PRDM16: variants seen among roughly 807,000 people sequenced by gnomAD.
PRDM16 encodes PR/SET domain 16.
PRDM16 carries 23 observed loss-of-function variants against 110.6 expected under a neutral mutation model. The ratio of observed to expected loss-of-function variants is 0.21; its 90% CI spans 0.15 to 0.29. The LOEUF is 0.29. PRDM16 is among the 10% of genes least tolerant of loss of function. PRDM16 has a pLI of 1.00. For synonymous variants in PRDM16, 799 were observed against 781.8 expected (o/e 1.02, Z -0.37); for missense variants, 1,615 against 1,794.3 (o/e 0.90, Z 1.81).
chr1:3,288,446 G>A (rs1224700834), intron 3 of PRDM16, among the ~76,000 whole-genome samples: 2 of 152,190 alleles, frequency 1.3e-5, no homozygotes, highest in Non-Finnish European at 2.9e-5. Context: ...CTCACCTTGA[G>A]GGCTCCAGCC....
At chr1:3,396,943 A>C (rs1323317833) in intron 5 of PRDM16, among the ~76,000 whole-genome samples, 1 of 152,144 alleles carries the variant, frequency 6.6e-6, no homozygotes, top group Non-Finnish European at 1.5e-5. Context: ...GCTATGTTTT[A>C]TTATTGCTAT....
intron 1 of PRDM16, among the ~76,000 whole-genome samples, chr1:3,114,203 GCACACA>G (rs59196246): frequency 4.3e-5 from 5 of 117,600 alleles, no homozygotes; most frequent in Admixed American, 1.7e-4. Flanking sequence ...GCACACGCAC[GCACACA>G]CGCACACGAA....
intron 1 of PRDM16, among the ~76,000 whole-genome samples, chr1:3,151,290 A>C (rs1399714701): frequency 6.6e-6 from 1 of 152,186 alleles, no homozygotes; most frequent in African/African-American, 2.4e-5. Flanking sequence ...GTCCAGACAG[A>C]AGTGGGGACG....
intron 3 of PRDM16, among the ~76,000 whole-genome samples, chr1:3,282,058 C>T (rs1640720856): frequency 6.6e-6 from 1 of 152,226 alleles, no homozygotes; most frequent in African/African-American, 2.4e-5. Context: ...GAACTGAGAA[C>T]CCCAGGTCCA....
At chr1:3,303,160 G>C (rs911946740) in intron 3 of PRDM16, among the ~76,000 whole-genome samples, 1 of 152,028 alleles carries the variant, frequency 6.6e-6, no homozygotes, top group Admixed American at 6.6e-5. Flanking sequence ...CCACACCACT[G>C]TCTAATCTTA....
At chr1:3,115,700 G>A (rs983253435) in intron 1 of PRDM16, among the ~76,000 whole-genome samples, 6 of 152,198 alleles carry the variant, frequency 3.9e-5, no homozygotes, top group Non-Finnish European at 8.8e-5. Context: ...CCGCTGGCCT[G>A]GGCGTCTAGC....
At chr1:3,419,595 A>G (rs1167113098) in intron 12 of PRDM16, among the ~76,000 whole-genome samples, 14 of 152,220 alleles carry the variant, frequency 9.2e-5, no homozygotes, top group Non-Finnish European at 1.6e-4. Flanking sequence ...TGACACATGC[A>G]GGGTGTGTCT....
chr1:3,146,607 A>AGT (rs1173823360), intron 1 of PRDM16, among the ~76,000 whole-genome samples: 5 of 88,484 alleles, frequency 5.7e-5, no homozygotes, highest in African/African-American at 2.4e-4. Context: ...GTGTGTGCTC[A>AGT]GTGTGGGGGG....
rs1310233563 is a variant in PRDM16, at chr1:3,209,246, G to A, written c.387+22772G>A. Among the ~76,000 whole-genome samples the A allele has an allele frequency of 6.6e-6, 1 of 152,220 alleles. No homozygotes were observed. Reference sequence around the variant, plus strand: ...AGTGGAAAAGCAACAAGAAGAGAAGGACAGGAAATAAATCTCAGAGTGGGA... The same window carrying A: ...AGTGGAAAAGCAACAAGAAGAGAAGAACAGGAAATAAATCTCAGAGTGGGA... On this transcript the variant is annotated intron_variant, in intron 2 of 16. Transcript: ENST00000270722. The surrounding 1 kb of genome is among the most constrained non-coding windows in gnomAD (Gnocchi z 4.6).
At chr1:3,342,135 C>T (rs562450982) in intron 3 of PRDM16, among the ~76,000 whole-genome samples, 12 of 152,248 alleles carry the variant, frequency 7.9e-5, no homozygotes, top group East Asian at 7.7e-4. Context: ...AGCCTCGTGC[C>T]GGCGTGGCTC....
chr1:3,220,920 C>T (rs887991129), intron 2 of PRDM16, among the ~76,000 whole-genome samples: 25 of 152,338 alleles, frequency 1.6e-4, no homozygotes, highest in Non-Finnish European at 3.7e-4. Flanking sequence ...AGTGGCAGAG[C>T]CAGCCTCTTC....
At chr1:3,095,489 C>G (rs1158100184) in intron 1 of PRDM16, among the ~76,000 whole-genome samples, 1 of 152,146 alleles carries the variant, frequency 6.6e-6, no homozygotes, top group Non-Finnish European at 1.5e-5. Context: ...CAGCCCTGTG[C>G]GGCTGTGTCC....
intron 15 of PRDM16, 82 bp from the exon 16 acceptor site, chr1:3,431,884 G>C (rs1417023522): frequency 1.4e-6 from 2 of 1,455,092 alleles, no homozygotes; most frequent in Non-Finnish European, 1.9e-6. Context: ...TGCAGGCCCG[G>C]AGCTGGGCTT....
rs72630996 is a variant in PRDM16, at chr1:3,219,273, G to A, written c.388-24814G>A. Among the ~76,000 whole-genome samples, 802 of 152,352 alleles carry A rather than the reference G, an allele frequency of 5.3e-3. 1 individual carries two copies. The highest frequency in any genetic ancestry group is 9.1e-3 in the Admixed American group (140 of 15,306). ...GGACCAGGCTGACGTCTCAATCTGC[G>A]GAGTGTCAGCGCAGTGAAAGAAAAT... On this transcript the variant is annotated intron_variant, in intron 2 of 16. Coordinates refer to ENST00000270722, the MANE Select transcript of PRDM16 (RefSeq NM_022114.4).
intron 14 of PRDM16, among the ~76,000 whole-genome samples, chr1:3,429,841 T>G (rs926519970): frequency 3.9e-5 from 6 of 152,256 alleles, no homozygotes; most frequent in African/African-American, 7.2e-5. Context: ...CCAGTTCCCG[T>G]GCACACAGGC....
At chr1:3,313,853 G>A (rs373114870) in intron 3 of PRDM16, among the ~76,000 whole-genome samples, 3 of 152,246 alleles carry the variant, frequency 2.0e-5, no homozygotes, top group South Asian at 2.1e-4. Flanking sequence ...ATCTGGACCC[G>A]GCCCAGCGTC....
chr1:3,324,934 G>A lies in PRDM16; in HGVS notation c.439-60218G>A, dbSNP rs75038980. Among the ~76,000 whole-genome samples the A allele has an allele frequency of 7.0e-3, 1,063 of 152,210 alleles. 12 individuals carry two copies. The highest frequency in any genetic ancestry group is 0.024 in the African/African-American group (1,005 of 41,542). On this transcript the variant is annotated intron_variant, in intron 3 of 16. Transcript: ENST00000270722. The stretch of plus-strand genomic sequence containing the variant: ...GCCAGCGGACGCCCCTGGTGGTGCT[G>A]GAGAAAATACTGATGTCCTGGGGGG...
At chr1:3,397,912 G>A (rs1204451131) in intron 5 of PRDM16, among the ~76,000 whole-genome samples, 1 of 152,120 alleles carries the variant, frequency 6.6e-6, no homozygotes, top group Non-Finnish European at 1.5e-5. Flanking sequence ...TCCTTCCTTG[G>A]TGCAGTATCT....
At position 3,190,450 on chromosome 1, in the gene PRDM16, C is replaced by T. The variant is rs1638272912; in HGVS notation, c.387+3976C>T. Among the ~76,000 whole-genome samples the T allele has an allele frequency of 6.6e-6, 1 of 152,178 alleles. No individual in the cohort carries two copies. Among genetic ancestry groups the T allele is most frequent in the African/African-American group, 2.4e-5 (1 of 41,436 alleles). ...AGGGCCGCCCCCTCCTCTCTCCCTC[C>T]TGTGTGTTAGGAATAGTCGCTGACT... is the stretch of plus-strand genomic sequence containing the variant. On this transcript the variant is annotated intron_variant, in intron 2 of 16. Coordinates refer to ENST00000270722, the MANE Select transcript of PRDM16 (RefSeq NM_022114.4). This position sits in a 1 kb window ranked among gnomAD's most constrained non-coding sequence, Gnocchi z 5.0.
Sources: allele counts gnomAD v4.1 joint callset (sites outside exome capture counted in the v4.1 genomes callset), GRCh38; gene constraint gnomAD v4.1.1; non-coding constraint Gnocchi (gnomAD v3.1); transcripts MANE v1.5; gene names NCBI Gene and HGNC (gene_info 2026-07-23, HGNC 2026-07-21).